Variants in SLC9A9 observed in about 807,000 individuals in gnomAD.
SLC9A9 encodes sodium/hydrogen exchanger 9.
Under a neutral mutation model 77.8 loss-of-function variants are expected in SLC9A9, and 62 were observed. The observed-to-expected ratio is 0.80, with a 90% CI of 0.65 to 0.98. SLC9A9 has a LOEUF of 0.98. Among genes scored for constraint, SLC9A9 ranks in the 50% least tolerant of loss-of-function variants. The pLI is 0.00. For synonymous variants in SLC9A9, 320 were observed against 283.5 expected, an observed-to-expected ratio of 1.13 and a Z score of -1.29; for missense variants, 775 against 774.9, an observed-to-expected ratio of 1.00 and a Z score of 0.00.
intron 11 of SLC9A9, among the ~76,000 whole-genome samples, chr3:143,492,932 A>C (rs903406767): frequency 6.6e-6 from 1 of 152,238 alleles, no homozygotes; most frequent in Non-Finnish European, 1.5e-5. Context: ...ACAGGGAAAG[A>C]CTGAAGGTAG....
intron 6 of SLC9A9, among the ~76,000 whole-genome samples, chr3:143,636,328 CT>C (rs2038519877): frequency 6.6e-6 from 1 of 152,204 alleles, no homozygotes; most frequent in Non-Finnish European, 1.5e-5. Context: ...TGGAAAGCTA[CT>C]GACTTTTGTC....
intron 11 of SLC9A9, among the ~76,000 whole-genome samples, chr3:143,472,669 A>G (rs1004264741): frequency 1.3e-5 from 2 of 152,220 alleles, no homozygotes; most frequent in Non-Finnish European, 2.9e-5. Flanking sequence ...TAGCTGTGAC[A>G]TCTAAAGCAA....
intron 9 of SLC9A9, among the ~76,000 whole-genome samples, chr3:143,508,039 C>G (rs1268545131): frequency 6.6e-6 from 1 of 152,138 alleles, no homozygotes; most frequent in Non-Finnish European, 1.5e-5. Context: ...ATGGGGGATA[C>G]AAACATGCAG....
rs2009871816 is a variant in SLC9A9, at chr3:143,848,227, G to A, written c.96C>T (p.Ile32=). Residue 32 remains isoleucine (I), a synonymous_variant, in exon 1 of 16, where the codon ATC becomes ATT. Transcript: ENST00000316549. ...ATAACCAGATTGTCAAAATGGTAAG[G>A]ATGAGCAAAAAATTGAAGACAAGCA... The part of the protein sequence containing the change: ...VELLVFNFLL[I]LTILTIWLFK... 3.1e-6 allele frequency: 5 copies of A among 1,613,856 alleles called. No individual in the cohort carries two copies. The highest frequency in any genetic ancestry group is 1.6e-4 in the Middle Eastern group (1 of 6,084).
At chr3:143,434,941 C>T (rs1352669175) in intron 12 of SLC9A9, among the ~76,000 whole-genome samples, 1 of 152,150 alleles carries the variant, frequency 6.6e-6, no homozygotes, top group African/African-American at 2.4e-5. Context: ...TGCCGCTGCT[C>T]ATTTTAACCT....
chr3:143,775,748 G>T (rs2007667972), intron 4 of SLC9A9, among the ~76,000 whole-genome samples: 1 of 152,098 alleles, frequency 6.6e-6, no homozygotes, highest in Non-Finnish European at 1.5e-5. Flanking sequence ...ACATGTTTAG[G>T]GTGTGCTTGA....
intron 4 of SLC9A9, among the ~76,000 whole-genome samples, chr3:143,756,359 G>T (rs1036314422): frequency 1.3e-5 from 2 of 152,124 alleles, no homozygotes; most frequent in African/African-American, 4.8e-5. Context: ...TAGCATGAAA[G>T]GAAGGTTACC....
chr3:143,718,033 G>C (rs1004664074), intron 4 of SLC9A9, among the ~76,000 whole-genome samples: 1 of 151,846 alleles, frequency 6.6e-6, no homozygotes, highest in Admixed American at 6.6e-5. Context: ...AATCCAGATG[G>C]TTATAGAAAG....
At chr3:143,300,068 T>C (rs534173284) in intron 14 of SLC9A9, among the ~76,000 whole-genome samples, 2 of 152,354 alleles carry the variant, frequency 1.3e-5, no homozygotes, top group African/African-American at 4.8e-5. Flanking sequence ...GTCTTGGCAC[T>C]TGTAGCCCAT....
At chr3:143,418,884 G>C (rs1469395851) in intron 12 of SLC9A9, among the ~76,000 whole-genome samples, 1 of 152,154 alleles carries the variant, frequency 6.6e-6, no homozygotes, top group African/African-American at 2.4e-5. Flanking sequence ...CTCATTTGCA[G>C]GGATGTGTGC....
Position 143,266,928 on chromosome 3 carries a change from T to A in SLC9A9, c.1712A>T (p.Glu571Val). ...RLLTSPQAYG[E>V]QLKEDDVECI... ...TTCCACATCATCCTCTTTTAGCTGT[T>A]CCTGGTTGGGAAAAGAGAGAGAGGT... The change falls in exon 16 of 16, where the codon GAA becomes GTA. Residue 571 changes from glutamate (E) to valine (V), a missense_variant and splice_region_variant. Coordinates refer to ENST00000316549, the MANE Select transcript of SLC9A9 (RefSeq NM_173653.4). 1 of 1,613,952 alleles carries A rather than the reference T, an allele frequency of 6.2e-7. No individual in the cohort carries two copies. Among genetic ancestry groups the A allele is most frequent in the Non-Finnish European group, 8.5e-7 (1 of 1,179,854 alleles).
In SLC9A9 at chr3:143,517,267, C is replaced by T. The variant is rs528126542; in HGVS notation, c.1090-21819G>A. 8.5e-5 allele frequency: 108 copies of T among 1,272,138 alleles called. No individual in the cohort carries two copies. The South Asian group carries it at 1.2e-3, about 14-fold the overall frequency. The allele number at this position is 1,272,138 out of a possible 1,614,324, so 78.8% of individuals were successfully genotyped here. On this transcript the variant is annotated intron_variant, in intron 9 of 15. Transcript: ENST00000316549. ...CTGGATCCTGCATGGCGGCAAGAAC[C>T]TCTGGATCACTAAGAATTTCATTGA... is the stretch of plus-strand genomic sequence containing the variant.
chr3:143,809,878 G>A (rs1376261281), intron 2 of SLC9A9, among the ~76,000 whole-genome samples: 1 of 152,130 alleles, frequency 6.6e-6, no homozygotes, highest in African/African-American at 2.4e-5. Context: ...TTTAACACTG[G>A]TAGCTAGTGG....
chr3:143,829,462 C>T (rs1331845594), intron 2 of SLC9A9, among the ~76,000 whole-genome samples: 1 of 152,120 alleles, frequency 6.6e-6, no homozygotes, highest in Non-Finnish European at 1.5e-5. Flanking sequence ...TCCCTACTGC[C>T]TACCCAAAGC....
intron 12 of SLC9A9, among the ~76,000 whole-genome samples, chr3:143,385,913 G>A (rs1246220021): frequency 6.6e-6 from 1 of 152,118 alleles, no homozygotes; most frequent in Non-Finnish European, 1.5e-5. Context: ...CAGTCCCTGA[G>A]CTCTGGCCAT....
chr3:143,639,987 T>A (rs959681536), intron 6 of SLC9A9, among the ~76,000 whole-genome samples: 2 of 151,594 alleles, frequency 1.3e-5, no homozygotes, highest in African/African-American at 4.8e-5. Flanking sequence ...GATATTCTGG[T>A]CCCTGGGTCA....
intron 9 of SLC9A9, among the ~76,000 whole-genome samples, chr3:143,527,630 G>A (rs1485379803): frequency 1.3e-5 from 2 of 152,192 alleles, no homozygotes; most frequent in African/African-American, 4.8e-5. Flanking sequence ...GCCATTGCTT[G>A]TAAATCTTGG....
intron 7 of SLC9A9, among the ~76,000 whole-genome samples, chr3:143,577,371 C>T (rs932272055): frequency 3.9e-5 from 6 of 152,124 alleles, no homozygotes; most frequent in Non-Finnish European, 2.9e-5. Flanking sequence ...CCTGAATCAC[C>T]GACTGCTCAG....
At chr3:143,495,280 G>C in intron 10 of SLC9A9, 55 bp downstream of exon 10, 1 of 1,410,224 alleles carries the variant, frequency 7.1e-7, no homozygotes, top group Non-Finnish European at 1.0e-6. Flanking sequence ...ATTCGTAAAA[G>C]TAAGTCATTC....
Sources: allele counts gnomAD v4.1 joint callset (sites outside exome capture counted in the v4.1 genomes callset), GRCh38; gene constraint gnomAD v4.1.1; transcripts MANE v1.5; gene names NCBI Gene and HGNC (gene_info 2026-07-23, HGNC 2026-07-21).